NAPEPLD: variants seen among roughly 807,000 people sequenced by gnomAD.
NAPEPLD encodes the protein N-acyl phosphatidylethanolamine phospholipase D, also known as N-acyl-phosphatidylethanolamine-hydrolyzing phospholipase D.
A neutral mutation model predicts 38.1 loss-of-function variants in NAPEPLD; 23 were observed. The observed-to-expected ratio is 0.60, with a 90% CI of 0.43 to 0.86. The LOEUF is 0.86. Ranked by LOEUF, NAPEPLD falls within the 40% of genes least tolerant of loss-of-function variation. NAPEPLD has a pLI of 0.00. For missense variants in NAPEPLD, 411 were observed against 476.8 expected (o/e 0.86, Z 1.28); for synonymous variants, 147 against 162.0 (o/e 0.91, Z 0.71).
intron 1 of NAPEPLD, chr7:103,141,240 GTT>G (rs869065614): frequency 3.9e-4 from 4 of 10,254 alleles, no homozygotes; most frequent in East Asian, 2.9e-3. Flanking sequence ...CTGTGGAGTT[GTT>G]TTTTTTTTTT....
intron 2 of NAPEPLD, chr7:103,127,118 G>A (rs1465412218): frequency 2.0e-5 from 3 of 151,806 alleles, no homozygotes; most frequent in Non-Finnish European, 4.4e-5. Flanking sequence ...AGACTGAAAG[G>A]GCCCACCACA....
intron 4 of NAPEPLD, among the ~76,000 whole-genome samples, chr7:103,104,916 A>C (rs1802997611): frequency 6.6e-6 from 1 of 152,204 alleles, no homozygotes; most frequent in African/African-American, 2.4e-5. Context: ...CTGGGCTAAC[A>C]GTACACACTC....
chr7:103,140,491 C>A (rs1811033882), intron 1 of NAPEPLD, among the ~76,000 whole-genome samples: 1 of 141,506 alleles, frequency 7.1e-6, no homozygotes, highest in Non-Finnish European at 1.5e-5. Flanking sequence ...CTCCCGGGTT[C>A]ACGTCATTCT....
chr7:103,120,695 A>ATTTTTTTT (rs1563355903), intron 2 of NAPEPLD, among the ~76,000 whole-genome samples: 3 of 33,026 alleles, frequency 9.1e-5, no homozygotes, highest in Non-Finnish European at 1.4e-4. Context: ...TGAATCTGAT[A>ATTTTTTTT]TTTTTCTTTT....
chr7:103,141,042 C>A (rs1811196320), intron 1 of NAPEPLD, among the ~76,000 whole-genome samples: 1 of 152,050 alleles, frequency 6.6e-6, no homozygotes, highest in Admixed American at 6.6e-5. Flanking sequence ...ATTCTTGCCT[C>A]TCTTACCCAA....
rs1161820070 is a variant in NAPEPLD, at chr7:103,149,083, C to T, written c.-289G>A. 3.0e-6 allele frequency: 3 copies of T among 985,432 alleles called. No individual in the cohort carries two copies. The highest frequency in any genetic ancestry group is 1.1e-4 in the East Asian group (1 of 8,810). The allele number at this position is 985,432 out of a possible 1,614,324, so 61.0% of individuals were successfully genotyped here. A position where few individuals can be genotyped will look rare whatever the true frequency, so the allele number is the denominator to read the frequency against. ...ACTTCGCCGAAGAATTCCAAACCAC[C>T]CCAGGCTCAGCAGTGTGGATTGCTC... is the stretch of plus-strand genomic sequence containing the variant. On this transcript the variant is annotated 5_prime_UTR_variant, in exon 1 of 5. Coordinates refer to ENST00000465647, the MANE Select transcript of NAPEPLD (RefSeq NM_001122838.3).
chr7:103,123,065 C>T (rs1433712946), intron 2 of NAPEPLD, among the ~76,000 whole-genome samples: 1 of 152,198 alleles, frequency 6.6e-6, no homozygotes, highest in Non-Finnish European at 1.5e-5. Context: ...CTGCTTCCTA[C>T]TCCTAGACTG....
rs182312152 is a variant in NAPEPLD, at chr7:103,101,714, G to A, written c.*1715C>T. 1.1e-3 allele frequency: 169 copies of A among 152,674 alleles called. No individual in the cohort carries two copies. Among genetic ancestry groups the A allele is most frequent in the Non-Finnish European group, 1.6e-3 (107 of 68,026 alleles). 9.5% of individuals were successfully genotyped at this position (152,674 alleles called of 1,614,324 possible). On this transcript the variant is annotated 3_prime_UTR_variant, in exon 5 of 5. Coordinates refer to ENST00000465647, the MANE Select transcript of NAPEPLD (RefSeq NM_001122838.3). ...AGTGAGCACTGGTGACTTGTTTCAG[G>A]TTACACAAAAAAATCCATGATGAAA...
chr7:103,145,358 G>A (rs1812318076), intron 1 of NAPEPLD, among the ~76,000 whole-genome samples: 1 of 152,122 alleles, frequency 6.6e-6, no homozygotes, highest in South Asian at 2.1e-4. Context: ...CTAAAAAAGA[G>A]GCTCCAAACA....
At chr7:103,109,521 G>A (rs960501706) in intron 4 of NAPEPLD, among the ~76,000 whole-genome samples, 10 of 152,106 alleles carry the variant, frequency 6.6e-5, no homozygotes, top group African/African-American at 2.4e-4. Flanking sequence ...ACAAAATTAA[G>A]GCAGAAATAA....
upstream of NAPEPLD, chr7:103,149,416 C>T: frequency 8.1e-7 from 1 of 1,233,814 alleles, no homozygotes; most frequent in South Asian, 1.3e-5. Context: ...CCCGAGCCCG[C>T]CGCGCTGGCT....
chr7:103,141,195 C>T (rs115635296), intron 1 of NAPEPLD, among the ~76,000 whole-genome samples: 1,599 of 143,286 alleles, frequency 0.011, 33 homozygotes, highest in African/African-American at 0.039. Context: ...CACATGGGTA[C>T]AAGCCCTGAA....
Position 103,122,234 on chromosome 7 carries a change from G to A in NAPEPLD, c.295-2011C>T, listed in dbSNP as rs191626636. 3.9e-5 allele frequency among the ~76,000 whole-genome samples: 6 copies of A among 152,010 alleles called. No homozygotes were observed. In the East Asian group the frequency reaches 1.2e-3, roughly 29 times the overall value. On this transcript the variant is annotated intron_variant, in intron 2 of 4. Transcript: ENST00000465647. ...GTGTGAGCCACCACGCCAGGCCTAG[G>A]AGGTATCTTTTTGCCCTCACACGTG...
chr7:103,138,242 C>CA lies in NAPEPLD; in HGVS notation c.-16-9451dup, dbSNP rs199510190. 4.0e-3 allele frequency among the ~76,000 whole-genome samples: 605 copies of CA among 151,452 alleles called. 6 individuals carry two copies. Among genetic ancestry groups the CA allele is most frequent in the African/African-American group, 0.013 (549 of 41,354 alleles). On this transcript the variant is annotated intron_variant, in intron 1 of 4. Coordinates refer to ENST00000465647, the MANE Select transcript of NAPEPLD (RefSeq NM_001122838.3). The stretch of plus-strand genomic sequence containing the variant: ...ACTGTTCCTGAGCCAAGATTTTAAC[C>CA]AAAAAAAAGCTTCCAAAATGGGACT...
At chr7:103,113,626 CTT>C (rs750561627) in intron 4 of NAPEPLD, among the ~76,000 whole-genome samples, 13 of 93,970 alleles carry the variant, frequency 1.4e-4, no homozygotes, top group Admixed American at 1.8e-4. Flanking sequence ...CAGAGTCTCA[CTT>C]TTTTTTTTTT....
At position 103,101,221 on chromosome 7, in the gene NAPEPLD, C is replaced by T. The variant is rs1802350462; in HGVS notation, c.*2208G>A. 1.3e-5 allele frequency: 2 copies of T among 152,028 alleles called. No homozygotes were observed. Among genetic ancestry groups the T allele is most frequent in the African/African-American group, 4.8e-5 (2 of 41,402 alleles). 9.4% of individuals were successfully genotyped at this position (152,028 alleles called of 1,614,324 possible). ...AACCTAACATCTTGATTCACATCTGCTTGGAGTGAAAAAGTTTATGATCAG... is the reference window on the plus strand; with the variant it reads ...AACCTAACATCTTGATTCACATCTGTTTGGAGTGAAAAAGTTTATGATCAG... On this transcript the variant is annotated 3_prime_UTR_variant, in exon 5 of 5. Transcript: ENST00000465647.
chr7:103,137,615 G>A (rs995134643), intron 1 of NAPEPLD, among the ~76,000 whole-genome samples: 16 of 151,944 alleles, frequency 1.1e-4, no homozygotes, highest in African/African-American at 3.4e-4. Context: ...GTTCATTTCC[G>A]GTATAATCAA....
chr7:103,100,540 C>T lies in NAPEPLD; in HGVS notation c.*2889G>A, dbSNP rs886824290. 1 of 152,214 alleles carries T rather than the reference C, an allele frequency of 6.6e-6. No homozygotes were observed. Among genetic ancestry groups the T allele is most frequent in the African/African-American group, 2.4e-5 (1 of 41,446 alleles). 9.4% of individuals were successfully genotyped at this position (152,214 alleles called of 1,614,324 possible). On this transcript the variant is annotated 3_prime_UTR_variant, in exon 5 of 5. Transcript: ENST00000465647. ...TGTTGGCTTTTATAATTTGGGATTT[C>T]TCCTAATTGATGACCCACCCTATTG... is the stretch of plus-strand genomic sequence containing the variant.
chr7:103,114,883 A>G (rs4729882), intron 4 of NAPEPLD, among the ~76,000 whole-genome samples, 177 bp downstream of exon 4: 133,161 of 152,088 alleles, frequency 0.88, 61,019 homozygotes, highest in East Asian at 1. Context: ...TTCTGACTGT[A>G]TATGTGTGTA....
Sources: gnomAD v4.1 joint callset for allele counts (sites outside exome capture counted in the v4.1 genomes callset) on GRCh38, gnomAD v4.1.1 for gene constraint, MANE v1.5 for transcripts, NCBI Gene and HGNC (gene_info 2026-07-23, HGNC 2026-07-21) for gene names.